The following SHISA9 variants were observed in gnomAD, a reference collection of about 807,000 sequenced individuals.
SHISA9 encodes shisa family member 9.
In SHISA9, 13 loss-of-function variants were observed where a neutral mutation model predicts 38.0. The observed-to-expected ratio is 0.34, with a 90% CI of 0.22 to 0.54. The LOEUF (loss-of-function observed/expected upper bound fraction) is 0.54. SHISA9 is among the 20% of genes least tolerant of loss of function. SHISA9 has a pLI of 0.91. For missense variants in SHISA9, 538 were observed against 575.8 expected (o/e 0.93, Z 0.67); for synonymous variants, 275 against 242.0 (o/e 1.14, Z -1.27).
chr16:13,504,041 C>T, the SHISA9 span, among the ~76,000 whole-genome samples: 1 of 152,226 alleles, frequency 6.6e-6, no homozygotes, highest in East Asian at 1.9e-4. Flanking sequence ...ATCATCAGAG[C>T]AAATTTGCAG....
At chr16:12,926,763 T>C (rs1393197460) in intron 2 of SHISA9, among the ~76,000 whole-genome samples, 1 of 152,144 alleles carries the variant, frequency 6.6e-6, no homozygotes, top group African/African-American at 2.4e-5. Context: ...GAAAGAAAAA[T>C]ACTTCCCATC....
At chr16:12,957,253 G>A (rs1303247901) in intron 2 of SHISA9, among the ~76,000 whole-genome samples, 1 of 152,188 alleles carries the variant, frequency 6.6e-6, no homozygotes, top group Non-Finnish European at 1.5e-5. Flanking sequence ...TACAAGCATA[G>A]GGCTTGGAAA....
the SHISA9 span, among the ~76,000 whole-genome samples, chr16:13,255,417 G>T: frequency 6.6e-6 from 1 of 152,070 alleles, no homozygotes; most frequent in African/African-American, 2.4e-5. Flanking sequence ...GTCTCTTTAT[G>T]TGTGTGTCTT....
intron 2 of SHISA9, among the ~76,000 whole-genome samples, chr16:12,967,637 T>C (rs150493084): frequency 1.3e-5 from 2 of 151,874 alleles, no homozygotes; most frequent in Non-Finnish European, 2.9e-5. Flanking sequence ...CCAAGGACAA[T>C]GTTGATTTTG....
intron 2 of SHISA9, among the ~76,000 whole-genome samples, chr16:12,952,382 G>A (rs766800343): frequency 2.0e-5 from 3 of 152,318 alleles, no homozygotes; most frequent in South Asian, 4.1e-4. Flanking sequence ...TTCAGCTGAC[G>A]TGTGGTTGAG....
intron 2 of SHISA9, among the ~76,000 whole-genome samples, chr16:13,151,595 C>T (rs1383204163): frequency 6.6e-6 from 1 of 152,170 alleles, no homozygotes; most frequent in Non-Finnish European, 1.5e-5. Flanking sequence ...TATCTCTACT[C>T]TTGTTATATA....
chr16:12,904,682 T>G (rs1338032272), intron 1 of SHISA9, among the ~76,000 whole-genome samples: 2 of 152,146 alleles, frequency 1.3e-5, no homozygotes, highest in South Asian at 4.1e-4. Flanking sequence ...AATTCCAGAA[T>G]GGAGTGGAAG....
At chr16:13,203,675 C>G (rs1473767750) in intron 3 of SHISA9, 126 bp downstream of exon 3, 1 of 987,340 alleles carries the variant, frequency 1.0e-6, no homozygotes, top group East Asian at 2.8e-5. Context: ...TTTTCTCTTT[C>G]TGCTTTTCTC....
At chr16:12,944,002 G>T (rs1259230930) in intron 2 of SHISA9, among the ~76,000 whole-genome samples, 2 of 151,920 alleles carry the variant, frequency 1.3e-5, no homozygotes, top group Non-Finnish European at 2.9e-5. Context: ...TTTGTTGTGG[G>T]GCTGCTGGTG....
chr16:13,422,191 C>G, the SHISA9 span, among the ~76,000 whole-genome samples: 1 of 152,168 alleles, frequency 6.6e-6, no homozygotes, highest in Non-Finnish European at 1.5e-5. Context: ...CCCCATGGAG[C>G]CAGCACAGAG....
chr16:13,488,488 T>C, the SHISA9 span, among the ~76,000 whole-genome samples: 1 of 152,198 alleles, frequency 6.6e-6, no homozygotes, highest in Non-Finnish European at 1.5e-5. Flanking sequence ...ATATACAATA[T>C]TCCCATAAGA....
chr16:13,352,542 C>A, the SHISA9 span, among the ~76,000 whole-genome samples: 1 of 152,066 alleles, frequency 6.6e-6, no homozygotes, highest in African/African-American at 2.4e-5. Flanking sequence ...GTAAGGGCTC[C>A]TGTGTTGTCC....
intron 2 of SHISA9, among the ~76,000 whole-genome samples, chr16:12,919,701 C>G (rs546635262): frequency 1.8e-4 from 28 of 152,256 alleles, no homozygotes; most frequent in African/African-American, 6.7e-4. Context: ...CATTAATTTT[C>G]TGGGGTTGAT....
the SHISA9 span, among the ~76,000 whole-genome samples, chr16:13,474,825 TG>T: frequency 1.1e-3 from 161 of 152,034 alleles, no homozygotes; most frequent in African/African-American, 3.9e-3. Context: ...TTACAGTGAG[TG>T]CAAAAGGCCT....
At chr16:13,373,500 C>T in the SHISA9 span, among the ~76,000 whole-genome samples, 8 of 152,156 alleles carry the variant, frequency 5.3e-5, no homozygotes, top group African/African-American at 1.7e-4. Flanking sequence ...TGGTGGCTCA[C>T]GCCTGTAATC....
chr16:13,475,335 C>CATATATATTTATATGTG, the SHISA9 span, among the ~76,000 whole-genome samples: 2 of 150,584 alleles, frequency 1.3e-5, no homozygotes, highest in African/African-American at 4.9e-5. Flanking sequence ...ATATATATCA[C>CATATATATTTATATGTG]ATATATATGT....
In SHISA9 at chr16:13,021,544, A is replaced by G. The variant is rs117120397; in HGVS notation, c.691+104729A>G. 6.6e-3 allele frequency among the ~76,000 whole-genome samples: 999 copies of G among 152,328 alleles called. 7 individuals are homozygous for G. Among genetic ancestry groups the G allele is most frequent in the Middle Eastern group, 0.02 (6 of 294 alleles). On this transcript the variant is annotated intron_variant, in intron 2 of 4. Coordinates refer to ENST00000558583, the MANE Select transcript of SHISA9 (RefSeq NM_001145204.3). ...TAGTAAAACGTGGCTCAACCCATGT[A>G]CCTGACTCAGAACAATCAGATGAAC... is the stretch of plus-strand genomic sequence containing the variant.
intron 2 of SHISA9, among the ~76,000 whole-genome samples, chr16:13,020,892 C>T (rs1049980177): frequency 6.6e-5 from 10 of 152,192 alleles, no homozygotes; most frequent in African/African-American, 2.4e-4. Flanking sequence ...GCATTATACG[C>T]AAGGGCAAAA....
chr16:13,304,746 C>T, the SHISA9 span, among the ~76,000 whole-genome samples: 25 of 152,086 alleles, frequency 1.6e-4, no homozygotes, highest in Non-Finnish European at 8.8e-5. Flanking sequence ...AAAACTGATT[C>T]GTAGTGAGGT....
Sources: gnomAD v4.1 joint callset for allele counts (sites outside exome capture counted in the v4.1 genomes callset) on GRCh38, gnomAD v4.1.1 for gene constraint, MANE v1.5 for transcripts, NCBI Gene and HGNC (gene_info 2026-07-23, HGNC 2026-07-21) for gene names.